ZNF334: variants seen among roughly 807,000 people sequenced by gnomAD.
The protein encoded by ZNF334 is zinc finger protein 334.
Under a neutral mutation model 12.4 loss-of-function variants are expected in ZNF334, and 14 were observed. The ratio of observed to expected loss-of-function variants is 1.13; its 90% CI spans 0.74 to 1.76. The LOEUF (loss-of-function observed/expected upper bound fraction) is 1.76. Among genes scored for constraint, ZNF334 ranks in the 40% most tolerant of loss-of-function variants. The pLI, the probability that ZNF334 is intolerant of heterozygous loss-of-function variation, is 0.00. For missense variants in ZNF334, 797 were observed against 804.5 expected (o/e 0.99, Z 0.11); for synonymous variants, 273 against 269.6 (o/e 1.01, Z -0.12).
Position 46,503,060 on chromosome 20 carries a change from T to A in ZNF334, c.279A>T (p.Gln93His). 1 of 1,609,080 alleles carries A rather than the reference T, an allele frequency of 6.2e-7. No individual in the cohort carries two copies. Among genetic ancestry groups the A allele is most frequent in the Non-Finnish European group, 8.5e-7 (1 of 1,177,792 alleles). Reference sequence around the variant, plus strand: ...ATACAGTTTGTGTCAAATGTTTATCTTGGATTTCCTTGTTCTTCTCTAAGG... The same window carrying A: ...ATACAGTTTGTGTCAAATGTTTATCATGGATTTCCTTGTTCTTCTCTAAGG... ...DDALEKNKEI[Q>H]DKHLTQTVFF... is the part of the protein sequence containing the mutation. The change falls in exon 5 of 5, where the codon CAA becomes CAT. Residue 93 changes from glutamine to histidine, a missense_variant. Transcript: ENST00000692313.
At position 46,499,897 on chromosome 20, in the gene ZNF334, G is replaced by A. The variant is rs2061096204; in HGVS notation, c.*1399C>T. Reference sequence around the variant, plus strand: ...AAATCATGTTCATATTGGGTTCTCTGAAGGGCCCCAAATAAATAGCACAAT... The same window carrying A: ...AAATCATGTTCATATTGGGTTCTCTAAAGGGCCCCAAATAAATAGCACAAT... On this transcript the variant is annotated 3_prime_UTR_variant, in exon 5 of 5. Coordinates refer to ENST00000692313, the MANE Select transcript of ZNF334 (RefSeq NM_001353824.2). 6.6e-6 allele frequency: 1 copy of A among 152,126 alleles called. No homozygotes were observed. The highest frequency in any genetic ancestry group is 1.5e-5 in the Non-Finnish European group (1 of 68,028). The allele number at this position is 152,126 out of a possible 1,614,324, so 9.4% of individuals were successfully genotyped here.
rs2061214752 is a variant in ZNF334, at chr20:46,502,168, C to A, written c.1171G>T (p.Ala391Ser). Residue 391 changes from alanine to serine, a missense_variant, in exon 5 of 5, where the codon GCC (alanine) becomes TCC (serine). By Grantham distance (99) the Ala-to-Ser change is moderately conservative. Transcript: ENST00000692313. ...TGAATTCTCTGATGCGCAGTAAGGG[C>A]TGACTGACAGAAGAAGGTTTTCCCA... ...ECGKTFFCQS[A>S]LTAHQRIHTG... 6.2e-7 allele frequency: 1 copy of A among 1,613,782 alleles called. No individual in the cohort carries two copies. Among genetic ancestry groups the A allele is most frequent in the East Asian group, 2.2e-5 (1 of 44,846 alleles).
At chr20:46,474,610 A>T in the ZNF334 span, 2 of 152,244 alleles carry the variant, frequency 1.3e-5, no homozygotes, top group African/African-American at 2.4e-5. Flanking sequence ...AGTCTTATAT[A>T]GAGGCCTACC....
At chr20:46,505,625 TAA>T (rs2061403590) in intron 2 of ZNF334, 1 of 153,730 alleles carries the variant, frequency 6.5e-6, no homozygotes, top group African/African-American at 2.4e-5. Context: ...CTCTAGAGCA[TAA>T]GAGTTGGCAA....
At chr20:46,465,614 A>G in the ZNF334 span, among the ~76,000 whole-genome samples, 2 of 152,190 alleles carry the variant, frequency 1.3e-5, no homozygotes, top group Admixed American at 1.3e-4. Flanking sequence ...AGTCCCAGCT[A>G]CTTGGGAAGC....
rs1601017867 is a variant in ZNF334, at chr20:46,501,835, A to C, written c.1504T>G (p.Ser502Ala). Reference protein sequence around the residue: ...NKCGRISIVKSNCSQCKRMNT... With the variant: ...NKCGRISIVKANCSQCKRMNT... The stretch of plus-strand genomic sequence containing the variant: ...ATTCTCTTACACTGACTGCAGTTTG[A>C]CTTCACAATGGAGATTCTACCACAT... Residue 502 changes from serine to alanine, a missense_variant, in exon 5 of 5, where the codon TCA becomes GCA. Ser to Ala is a moderately conservative substitution (Grantham distance 99). Transcript: ENST00000692313. 2 of 1,613,982 alleles carry C rather than the reference A, an allele frequency of 1.2e-6. No homozygotes were observed. The highest frequency in any genetic ancestry group is 1.3e-5 in the African/African-American group (1 of 74,974).
Position 46,501,057 on chromosome 20 carries a change from T to A in ZNF334, c.*239A>T, listed in dbSNP as rs2061140262. 2.2e-5 allele frequency: 10 copies of A among 464,602 alleles called. No individual in the cohort carries two copies. Among genetic ancestry groups the A allele is most frequent in the Admixed American group, 3.8e-5 (1 of 26,104 alleles). 28.8% of individuals were successfully genotyped at this position (464,602 alleles called of 1,614,324 possible). A position where few individuals can be genotyped will look rare whatever the true frequency, so the allele number is the denominator to read the frequency against. On this transcript the variant is annotated 3_prime_UTR_variant, in exon 5 of 5. Transcript: ENST00000692313. ...TTTTAAAAGGGAGGCACATTTGGCA[T>A]AACCTTTGAATTGCTGTTGAATATT...
chr20:46,502,560 G>A lies in ZNF334; in HGVS notation c.779C>T (p.Thr260Ile), dbSNP rs1306278743. The A allele has an allele frequency of 6.2e-7, 1 of 1,613,826 alleles. No homozygotes were observed. The highest frequency in any genetic ancestry group is 1.7e-5 in the Admixed American group (1 of 60,008). Reference sequence around the variant, plus strand: ...ACTACAAACATACGGTTTCTCCCCTGTATGAATTCTCTGATGTACAATGAG... The same window carrying A: ...ACTACAAACATACGGTTTCTCCCCTATATGAATTCTCTGATGTACAATGAG... Reference protein sequence around the residue: ...STLIVHQRIHTGEKPYVCSDC... With the variant: ...STLIVHQRIHIGEKPYVCSDC... Residue 260 changes from threonine to isoleucine, a missense_variant, in exon 5 of 5, where the codon ACA becomes ATA. Thr to Ile is a moderately conservative substitution (Grantham distance 89). Transcript: ENST00000692313.
At chr20:46,496,295 GC>G (rs2061022916), downstream of ZNF334, among the ~76,000 whole-genome samples, 1 of 152,176 alleles carries the variant, frequency 6.6e-6, no homozygotes, top group East Asian at 1.9e-4. Flanking sequence ...AAGGTGAGGT[GC>G]TGCTGCATGG....
rs142709272 is a variant in ZNF334, at chr20:46,501,656, G to T, written c.1683C>A (p.His561Gln). ...RTYCRKSALT[H>Q]HQRTHTGQRP... ...TCTGTCCTGTGTGTGTTCTCTGATG[G>T]TGAGTCAGGGCTGACTTCCTGCAGT... Residue 561 changes from histidine to glutamine, a missense_variant, in exon 5 of 5, where the codon CAC becomes CAA. Coordinates refer to ENST00000692313, the MANE Select transcript of ZNF334 (RefSeq NM_001353824.2). 2.5e-6 allele frequency: 4 copies of T among 1,613,078 alleles called. No individual in the cohort carries two copies. In the East Asian group the frequency reaches 8.9e-5, roughly 36 times the overall value.
chr20:46,462,483 T>G, the ZNF334 span, among the ~76,000 whole-genome samples: 389 of 152,308 alleles, frequency 2.6e-3, 2 homozygotes, highest in Non-Finnish European at 4.1e-3. Flanking sequence ...GAAGTGGAAT[T>G]ACGCAAATAC....
At chr20:46,511,270 G>A (rs2061640657) in intron 2 of ZNF334, among the ~76,000 whole-genome samples, 1 of 151,262 alleles carries the variant, frequency 6.6e-6, no homozygotes, top group East Asian at 1.9e-4. Flanking sequence ...GCTACAAAGA[G>A]AATCATGTGA....
chr20:46,464,053 T>C, the ZNF334 span: 4 of 630,984 alleles, frequency 6.3e-6, no homozygotes, highest in East Asian at 3.8e-5. Context: ...AAAGGGGTCA[T>C]TGTTCTCTCT....
rs2061309763 is a variant in ZNF334 at position 46,503,113 on chromosome 20, C to A, written c.242-16G>T. ...TCATCAATGTCTAGAAAAAGGAACA[C>A]AATTAACGGTAATTGGTGAGCCTTT... On this transcript the variant is annotated splice_polypyrimidine_tract_variant and intron_variant, in intron 4 of 4. Coordinates refer to ENST00000692313, the MANE Select transcript of ZNF334 (RefSeq NM_001353824.2). 6.4e-7 allele frequency: 1 copy of A among 1,571,390 alleles called. No homozygotes were observed. The highest frequency in any genetic ancestry group is 1.2e-5 in the South Asian group (1 of 82,718).
the ZNF334 span, among the ~76,000 whole-genome samples, chr20:46,488,864 G>A: frequency 1.4e-5 from 2 of 144,142 alleles, no homozygotes; most frequent in African/African-American, 2.6e-5. Context: ...TGCTTGCAGT[G>A]TTTCCAGTGA....
the ZNF334 span, among the ~76,000 whole-genome samples, chr20:46,480,397 C>A: frequency 6.6e-6 from 1 of 152,122 alleles, no homozygotes; most frequent in Non-Finnish European, 1.5e-5. Flanking sequence ...TGCTACTTTA[C>A]GCCGTCCCGC....
chr20:46,501,151 T>A lies in ZNF334; in HGVS notation c.*145A>T. 1.2e-6 allele frequency: 1 copy of A among 865,922 alleles called. No homozygotes were observed. 53.6% of individuals were successfully genotyped at this position (865,922 alleles called of 1,614,324 possible). A position where few individuals can be genotyped will look rare whatever the true frequency, so the allele number is the denominator to read the frequency against. On this transcript the variant is annotated 3_prime_UTR_variant, in exon 5 of 5. Coordinates refer to ENST00000692313, the MANE Select transcript of ZNF334 (RefSeq NM_001353824.2). The stretch of plus-strand genomic sequence containing the variant: ...TCTTTCCTACATGATTTCTCTGATG[T>A]TACATTGAGGGTTGACTTATGGCAG...
chr20:46,512,612 G>A lies in ZNF334; in HGVS notation c.-111C>T, dbSNP rs1369172485. ...AGAGAATGAATGAAAGTGCTTTAAGGTGTTTGTCTTTTTGACAGTTTGGTT... is the reference window on the plus strand; with the variant it reads ...AGAGAATGAATGAAAGTGCTTTAAGATGTTTGTCTTTTTGACAGTTTGGTT... On this transcript the variant is annotated 5_prime_UTR_variant, in exon 1 of 5. Coordinates refer to ENST00000692313, the MANE Select transcript of ZNF334 (RefSeq NM_001353824.2). 1 of 152,434 alleles carries A rather than the reference G, an allele frequency of 6.6e-6. No individual in the cohort carries two copies. Among genetic ancestry groups the A allele is most frequent in the Non-Finnish European group, 1.5e-5 (1 of 68,256 alleles). The allele number at this position is 152,434 out of a possible 1,614,324, so 9.4% of individuals were successfully genotyped here. A position where few individuals can be genotyped will look rare whatever the true frequency, so the allele number is the denominator to read the frequency against.
the ZNF334 span, among the ~76,000 whole-genome samples, chr20:46,493,755 G>A: frequency 6.6e-6 from 1 of 152,202 alleles, no homozygotes; most frequent in African/African-American, 2.4e-5. Context: ...CAGGAGCGTG[G>A]TGCCTTTGTA....
Sources: allele counts gnomAD v4.1 joint callset (sites outside exome capture counted in the v4.1 genomes callset), GRCh38; gene constraint gnomAD v4.1.1; transcripts MANE v1.5; gene names NCBI Gene and HGNC (gene_info 2026-07-23, HGNC 2026-07-21).